The following SQOR variants were observed in gnomAD, a reference collection of about 807,000 sequenced individuals.
SQOR encodes the protein sulfide quinone oxidoreductase.
In SQOR, 39 loss-of-function variants were observed where a neutral mutation model predicts 48.6. The ratio of observed to expected loss-of-function variants is 0.80; its 90% confidence interval spans 0.62 to 1.05. SQOR has a LOEUF of 1.05. SQOR is among the 50% of genes least tolerant of loss of function. The pLI is 0.00. For synonymous variants in SQOR, 220 were observed against 206.2 expected, an observed-to-expected ratio of 1.07 and a Z score of -0.57; for missense variants, 561 against 559.9, an observed-to-expected ratio of 1.00 and a Z score of -0.02.
At chr15:45,661,339 C>T (rs1889717241) in intron 2 of SQOR, among the ~76,000 whole-genome samples, 1 of 144,034 alleles carries the variant, frequency 6.9e-6, no homozygotes, top group South Asian at 2.3e-4. Context: ...AAGAAAACTC[C>T]AGAAGATAGT....
In SQOR at chr15:45,688,328, C is replaced by T; in HGVS notation, c.1049-9C>T. 1 of 1,586,844 alleles carries T rather than the reference C, an allele frequency of 6.3e-7. No homozygotes were observed. ...TTACATTTTTCTGACTTTCCCATTT[C>T]TCTTATAGCTGCCCAGTCAGGAATA... On this transcript the variant is annotated splice_polypyrimidine_tract_variant and intron_variant, in intron 7 of 9. Transcript: ENST00000260324.
At chr15:45,661,054 G>T (rs1223294004) in intron 2 of SQOR, among the ~76,000 whole-genome samples, 2 of 152,092 alleles carry the variant, frequency 1.3e-5, no homozygotes, top group African/African-American at 4.8e-5. Context: ...GGCTGAGGAA[G>T]GCAGATCACC....
intron 1 of SQOR, among the ~76,000 whole-genome samples, chr15:45,639,453 C>G (rs1236415821): frequency 1.3e-5 from 2 of 152,224 alleles, no homozygotes; most frequent in African/African-American, 4.8e-5. Context: ...TAGCCCAGCC[C>G]TCAGGGAACT....
chr15:45,676,107 A>T lies in SQOR; in HGVS notation c.661A>T (p.Lys221Ter), dbSNP rs1037080472. 3 of 1,613,136 alleles carry T rather than the reference A, an allele frequency of 1.9e-6. No homozygotes were observed. In the African/African-American group the frequency reaches 4.0e-5, roughly 22 times the overall value. Residue 221 changes from lysine to a stop codon, truncating the protein, a stop_gained, in exon 6 of 10, where the codon AAG becomes TAG. Coordinates refer to ENST00000260324, the MANE Select transcript of SQOR (RefSeq NM_021199.4). LOFTEE classifies it high-confidence loss of function. ...LSEAYFRKTG[K>*]RSKANIIFNT... ...GTTTTCTTATTTTTCTCAGACAGGG[A>T]AGCGATCCAAGGCCAATATCATTTT... is the stretch of plus-strand genomic sequence containing the variant.
intron 1 of SQOR, among the ~76,000 whole-genome samples, chr15:45,654,243 G>A (rs72715019): frequency 6.6e-6 from 1 of 152,096 alleles, no homozygotes; most frequent in African/African-American, 2.4e-5. Context: ...TATGGTTCTG[G>A]GTTTTCTGAT....
chr15:45,636,551 G>A (rs1252052485), intron 1 of SQOR, among the ~76,000 whole-genome samples: 3 of 151,894 alleles, frequency 2.0e-5, no homozygotes, highest in African/African-American at 7.3e-5. Flanking sequence ...CTACAGGTGT[G>A]TGCCACCACA....
chr15:45,683,602 G>A (rs982040253), intron 7 of SQOR, among the ~76,000 whole-genome samples: 20 of 152,064 alleles, frequency 1.3e-4, no homozygotes, highest in African/African-American at 4.8e-4. Context: ...GACACCTGTG[G>A]AACAGATTGT....
intron 3 of SQOR, among the ~76,000 whole-genome samples, chr15:45,667,472 A>G (rs578155317): frequency 2.9e-4 from 44 of 152,242 alleles, no homozygotes; most frequent in Admixed American, 1.2e-3. Flanking sequence ...GGCAAGGTCT[A>G]CACTGTTGTG....
At chr15:45,659,199 T>A in intron 2 of SQOR, 42 bp downstream of exon 2, 4 of 1,403,074 alleles carry the variant, frequency 2.9e-6, no homozygotes, top group Non-Finnish European at 2.9e-6. Flanking sequence ...TGTGTACGTG[T>A]GTGTGTGTGT....
At chr15:45,660,552 C>G (rs1889700465) in intron 2 of SQOR, among the ~76,000 whole-genome samples, 1 of 152,182 alleles carries the variant, frequency 6.6e-6, no homozygotes, top group South Asian at 2.1e-4. Context: ...TTGTCCTGCC[C>G]CGTGAGGAAG....
chr15:45,655,080 A>G (rs185406297), intron 1 of SQOR, among the ~76,000 whole-genome samples: 7 of 152,372 alleles, frequency 4.6e-5, no homozygotes, highest in African/African-American at 1.7e-4. Flanking sequence ...TTAGACAGGA[A>G]AATGATTTGG....
chr15:45,664,012 T>C (rs551178837), intron 3 of SQOR, among the ~76,000 whole-genome samples: 6 of 152,266 alleles, frequency 3.9e-5, no homozygotes, highest in African/African-American at 1.2e-4. Context: ...GATAAGTAAA[T>C]TATATAGTAT....
intron 7 of SQOR, among the ~76,000 whole-genome samples, chr15:45,684,706 C>T (rs1890190832): frequency 6.6e-6 from 1 of 151,994 alleles, no homozygotes; most frequent in Non-Finnish European, 1.5e-5. Context: ...TTAATGTAAG[C>T]CTGCAGCATT....
intron 1 of SQOR, among the ~76,000 whole-genome samples, chr15:45,645,625 T>G (rs1895190998): frequency 6.6e-6 from 1 of 152,222 alleles, no homozygotes; most frequent in Non-Finnish European, 1.5e-5. Context: ...GATGTTCTTC[T>G]GTGTTGAGAG....
At chr15:45,684,100 A>G (rs1890177931) in intron 7 of SQOR, among the ~76,000 whole-genome samples, 1 of 152,026 alleles carries the variant, frequency 6.6e-6, no homozygotes, top group Admixed American at 6.5e-5. Flanking sequence ...TTTAGTAGAG[A>G]TGGGGTTTCA....
Position 45,637,418 on chromosome 15 carries a change from C to T in SQOR, c.-18+2310C>T, listed in dbSNP as rs1895024176. ...TTTATCAGAACTTATTTGTATCCCT[C>T]CCAAGCTTATGGCCTTATATCCCCA... On this transcript the variant is annotated intron_variant, in intron 1 of 9. Coordinates refer to ENST00000260324, the MANE Select transcript of SQOR (RefSeq NM_021199.4). Among the ~76,000 whole-genome samples the T allele has an allele frequency of 1.3e-5, 2 of 152,172 alleles. 1 individual carries two copies. The highest frequency in any genetic ancestry group is 4.1e-4 in the South Asian group (2 of 4,830).
At chr15:45,641,763 G>A (rs1895108470) in intron 1 of SQOR, among the ~76,000 whole-genome samples, 1 of 152,132 alleles carries the variant, frequency 6.6e-6, no homozygotes, top group African/African-American at 2.4e-5. Context: ...CAGTGCCTTG[G>A]ACCTTTACTC....
At chr15:45,652,256 C>T (rs1416395333) in intron 1 of SQOR, among the ~76,000 whole-genome samples, 1 of 152,176 alleles carries the variant, frequency 6.6e-6, no homozygotes, top group Non-Finnish European at 1.5e-5. Context: ...CAGATTTATG[C>T]TCCTTGTTGA....
intron 1 of SQOR, among the ~76,000 whole-genome samples, chr15:45,652,971 A>T (rs547802955): frequency 6.6e-6 from 1 of 152,100 alleles, no homozygotes; most frequent in South Asian, 2.1e-4. Context: ...AAAAAAAAGA[A>T]AAAAGAAAGA....
Sources: allele counts gnomAD v4.1 joint callset (sites outside exome capture counted in the v4.1 genomes callset), GRCh38; gene constraint gnomAD v4.1.1; transcripts MANE v1.5; gene names NCBI Gene and HGNC (gene_info 2026-07-23, HGNC 2026-07-21).